Variants in VTA1 observed in about 807,000 individuals in gnomAD.
VTA1 encodes vacuolar protein sorting-associated protein VTA1 homolog.
VTA1 carries 24 observed loss-of-function variants against 36.9 expected under a neutral mutation model. The observed-to-expected ratio is 0.65, with a 90% CI of 0.47 to 0.91. VTA1 has a LOEUF of 0.91. VTA1 is among the 40% of genes least tolerant of loss of function. The pLI is 0.00. For synonymous variants in VTA1, 142 were observed against 130.2 expected, an observed-to-expected ratio of 1.09 and a Z score of -0.62; for missense variants, 393 against 377.2, an observed-to-expected ratio of 1.04 and a Z score of -0.35.
chr6:142,219,531 A>G lies in VTA1; in HGVS notation c.*888A>G, dbSNP rs1174108571. On this transcript the variant is annotated 3_prime_UTR_variant, in exon 8 of 8. Coordinates refer to ENST00000367630, the MANE Select transcript of VTA1 (RefSeq NM_016485.5). Reference sequence around the variant, plus strand: ...TTATAAGTTTTGTGGGGAATTATGAACTTACTGTGTACTACCTGCATTTGT... The same window carrying G: ...TTATAAGTTTTGTGGGGAATTATGAGCTTACTGTGTACTACCTGCATTTGT... 6.6e-6 allele frequency: 1 copy of G among 152,198 alleles called. No individual in the cohort carries two copies. Among genetic ancestry groups the G allele is most frequent in the Non-Finnish European group, 1.5e-5 (1 of 68,010 alleles). 9.4% of individuals were successfully genotyped at this position (152,198 alleles called of 1,614,324 possible).
chr6:142,166,098 C>T, intron 1 of VTA1, 130 bp from the exon 2 acceptor site: 2 of 568,386 alleles, frequency 3.5e-6, no homozygotes, highest in Non-Finnish European at 2.9e-6. Context: ...TTATAACTTC[C>T]ATAGTAAATC....
intron 1 of VTA1, among the ~76,000 whole-genome samples, chr6:142,164,555 T>A (rs1407742689): frequency 1.3e-5 from 2 of 152,178 alleles, no homozygotes; most frequent in African/African-American, 4.8e-5. Context: ...ACAGATATGA[T>A]AAATAGGTAA....
intron 5 of VTA1, among the ~76,000 whole-genome samples, chr6:142,191,556 G>T (rs1370814891): frequency 1.3e-5 from 2 of 152,072 alleles, no homozygotes; most frequent in African/African-American, 4.8e-5. Flanking sequence ...AGCTTAAATG[G>T]AAGTTGTCAT....
intron 4 of VTA1, among the ~76,000 whole-genome samples, chr6:142,171,663 T>C (rs948730664): frequency 6.6e-6 from 1 of 152,178 alleles, no homozygotes; most frequent in Admixed American, 6.5e-5. Flanking sequence ...ACCATTCATG[T>C]GGAGAATTTA....
Position 142,224,583 on chromosome 6 carries a change from A to C in VTA1, c.*5940A>C, listed in dbSNP as rs941799723. 3.3e-5 allele frequency: 5 copies of C among 152,206 alleles called. No homozygotes were observed. Among genetic ancestry groups the C allele is most frequent in the Admixed American group, 6.6e-5 (1 of 15,266 alleles). 9.4% of individuals were successfully genotyped at this position (152,206 alleles called of 1,614,324 possible). On this transcript the variant is annotated 3_prime_UTR_variant, in exon 8 of 8. Transcript: ENST00000367630. ...CATTTGTGAATTCCTGGTAATTCAC[A>C]TGAAGCTTGATGCATTGTAAGTATT...
chr6:142,215,073 A>G (rs527423926), intron 7 of VTA1, among the ~76,000 whole-genome samples: 1 of 152,322 alleles, frequency 6.6e-6, no homozygotes, highest in African/African-American at 2.4e-5. Context: ...TATTTGAAGC[A>G]CAGTGTTTAC....
intron 1 of VTA1, among the ~76,000 whole-genome samples, chr6:142,153,412 C>T (rs924692044): frequency 1.3e-5 from 2 of 151,762 alleles, no homozygotes; most frequent in East Asian, 3.9e-4. Context: ...TACTCTAACT[C>T]ATTACCTTAC....
At chr6:142,206,458 A>G (rs1396252606) in intron 7 of VTA1, among the ~76,000 whole-genome samples, 3 of 152,254 alleles carry the variant, frequency 2.0e-5, no homozygotes, top group Non-Finnish European at 4.4e-5. Flanking sequence ...TCAAAGAATT[A>G]CATAAATGGA....
chr6:142,188,600 TGTAGATCAGGTTCA>T (rs1775392728), intron 4 of VTA1, among the ~76,000 whole-genome samples: 1 of 152,150 alleles, frequency 6.6e-6, no homozygotes, highest in African/African-American at 2.4e-5. Context: ...GGCTGGCACT[TGTAGATCAGGTTCA>T]GTAGATCTGG....
At chr6:142,169,448 A>T in intron 2 of VTA1, 102 bp from the exon 3 acceptor site, 1 of 1,271,256 alleles carries the variant, frequency 7.9e-7, no homozygotes, top group South Asian at 1.4e-5. Flanking sequence ...ATTGAAATGA[A>T]TGTAAAATAA....
intron 6 of VTA1, among the ~76,000 whole-genome samples, chr6:142,202,713 A>G (rs565648136): frequency 6.6e-6 from 1 of 152,046 alleles, no homozygotes; most frequent in Admixed American, 6.5e-5. Context: ...TTGGACACAC[A>G]GTTATTTGTA....
intron 1 of VTA1, among the ~76,000 whole-genome samples, chr6:142,147,666 A>G (rs1778478123): frequency 6.6e-6 from 1 of 152,218 alleles, no homozygotes; most frequent in African/African-American, 2.4e-5. Context: ...TAATCTTCCA[A>G]GGTTTTCTCT....
intron 4 of VTA1, among the ~76,000 whole-genome samples, chr6:142,178,251 A>G (rs755973117): frequency 1.2e-4 from 18 of 152,126 alleles, no homozygotes; most frequent in Non-Finnish European, 2.1e-4. Context: ...CATTTTTTAA[A>G]AAATTGGAGG....
At chr6:142,153,557 G>A (rs577037691) in intron 1 of VTA1, among the ~76,000 whole-genome samples, 8 of 151,964 alleles carry the variant, frequency 5.3e-5, no homozygotes, top group African/African-American at 1.7e-4. Context: ...ATTTTCTAGT[G>A]TTTTATCACT....
At chr6:142,179,978 G>A (rs1400464586) in intron 4 of VTA1, among the ~76,000 whole-genome samples, 3 of 152,020 alleles carry the variant, frequency 2.0e-5, no homozygotes, top group African/African-American at 7.2e-5. Flanking sequence ...CTGTTAGGTT[G>A]GAATTGTTGT....
intron 4 of VTA1, among the ~76,000 whole-genome samples, chr6:142,188,838 G>A (rs1159437036): frequency 1.3e-5 from 2 of 152,062 alleles, no homozygotes; most frequent in African/African-American, 2.4e-5. Flanking sequence ...CAGCTAACAG[G>A]TTCTTCATGA....
At chr6:142,208,769 TA>T (rs963520750) in intron 7 of VTA1, among the ~76,000 whole-genome samples, 1 of 151,388 alleles carries the variant, frequency 6.6e-6, no homozygotes, top group Non-Finnish European at 1.5e-5. Context: ...TGGAACATTT[TA>T]AAAAAAAACT....
intron 4 of VTA1, among the ~76,000 whole-genome samples, chr6:142,181,387 C>T (rs1445683937): frequency 6.8e-6 from 1 of 148,066 alleles, no homozygotes; most frequent in African/African-American, 2.5e-5. Context: ...CCTTCCTCGG[C>T]CTCCTGAAGT....
intron 6 of VTA1, among the ~76,000 whole-genome samples, chr6:142,199,576 T>A (rs1414401626): frequency 6.6e-6 from 1 of 152,150 alleles, no homozygotes; most frequent in Non-Finnish European, 1.5e-5. Flanking sequence ...TACCCAAATT[T>A]TTTTTATTTT....
Sources: allele counts gnomAD v4.1 joint callset (sites outside exome capture counted in the v4.1 genomes callset), GRCh38; gene constraint gnomAD v4.1.1; transcripts MANE v1.5; gene names NCBI Gene and HGNC (gene_info 2026-07-23, HGNC 2026-07-21).